The following SATL1 variants were observed in gnomAD, a reference collection of about 807,000 sequenced individuals.
SATL1 encodes spermidine/spermine N1-acetyl transferase like 1, also known as spermidine/spermine N(1)-acetyltransferase-like protein 1.
SATL1 carries 47 observed loss-of-function variants against 51.8 expected under a neutral mutation model. That is an observed-to-expected ratio of 0.91 (90% CI 0.72 to 1.16). The LOEUF (loss-of-function observed/expected upper bound fraction) is 1.16. Ranked by LOEUF, SATL1 falls within the 50% of genes most tolerant of loss-of-function variation. SATL1 has a pLI of 0.00. For missense variants in SATL1, 520 were observed against 526.4 expected (o/e 0.99, Z 0.12); for synonymous variants, 176 against 182.4 (o/e 0.97, Z 0.28).
intron 2 of SATL1, among the ~76,000 whole-genome samples, chrX:85,194,649 T>C (rs1424637543): frequency 9.1e-6 from 1 of 110,145 alleles, no homozygotes; most frequent in African/African-American, 3.3e-5. Flanking sequence ...ATAGACTGGA[T>C]AAAGAAGATG....
At chrX:85,112,011 A>C (rs1042042926) in intron 2 of SATL1, among the ~76,000 whole-genome samples, 3 of 111,870 alleles carry the variant, frequency 2.7e-5, no homozygotes, top group Non-Finnish European at 5.6e-5. Flanking sequence ...CATAAGGTGG[A>C]AGAAGAGACC....
intron 2 of SATL1, chrX:85,117,235 C>T (rs1320371226): frequency 9.0e-6 from 1 of 111,523 alleles, no homozygotes; most frequent in African/African-American, 3.3e-5. Context: ...TTCTTTCATT[C>T]TCACGTTAAA....
At chrX:85,129,984 T>C (rs1375816708) in intron 2 of SATL1, among the ~76,000 whole-genome samples, 2 of 111,898 alleles carry the variant, frequency 1.8e-5, no homozygotes, top group African/African-American at 6.5e-5. Context: ...GCGTGCATCC[T>C]AGGGTTGAAG....
chrX:85,233,733 C>T (rs1249249267), intron 1 of SATL1, among the ~76,000 whole-genome samples: 6 of 111,405 alleles, frequency 5.4e-5, no homozygotes, highest in Admixed American at 3.8e-4. Flanking sequence ...TTTGAAAATA[C>T]ACGGTGAGAA....
At chrX:85,138,445 A>G (rs768332073) in intron 2 of SATL1, among the ~76,000 whole-genome samples, 12 of 111,627 alleles carry the variant, frequency 1.1e-4, no homozygotes, top group Non-Finnish European at 2.3e-4. Context: ...TTGATTTGGT[A>G]GTAAGGTATT....
intron 4 of SATL1, among the ~76,000 whole-genome samples, chrX:85,100,421 A>G (rs1185407112): frequency 1.8e-5 from 2 of 111,818 alleles, no homozygotes; most frequent in Non-Finnish European, 3.8e-5. Flanking sequence ...CAAAAAATAA[A>G]TTAAGAAAGC....
chrX:85,111,702 G>C (rs987679541), intron 2 of SATL1, among the ~76,000 whole-genome samples: 1 of 111,900 alleles, frequency 8.9e-6, no homozygotes, highest in Non-Finnish European at 1.9e-5. Context: ...ATCTAGTTTA[G>C]GTAGTGAGGT....
In SATL1 at chrX:85,224,185, G is replaced by C. The variant is rs749129672; in HGVS notation, c.-313+20C>G. 2 of 111,486 alleles carry C rather than the reference G, an allele frequency of 1.8e-5. No homozygotes were observed. The highest frequency in any genetic ancestry group is 3.8e-5 in the Non-Finnish European group (2 of 53,064). 9.2% of individuals were successfully genotyped at this position (111,486 alleles called of 1,213,427 possible). A position where few individuals can be genotyped will look rare whatever the true frequency, so the allele number is the denominator to read the frequency against. On this transcript the variant is annotated intron_variant, in intron 2 of 7. Coordinates refer to ENST00000644105, the MANE Select transcript of SATL1 (RefSeq NM_001367857.2). ...GGTCACGCTCCCTCCAGAGGCTCTA[G>C]GGGAAAATCCATTCCTTACCTCTTC...
intron 2 of SATL1, among the ~76,000 whole-genome samples, chrX:85,113,691 G>T (rs1266266588): frequency 1.8e-5 from 2 of 112,076 alleles, no homozygotes; most frequent in African/African-American, 6.5e-5. Context: ...ATTATACTTG[G>T]CTTGATTATT....
chrX:85,179,139 T>G (rs1927146567), intron 2 of SATL1, among the ~76,000 whole-genome samples: 1 of 112,099 alleles, frequency 8.9e-6, no homozygotes, highest in African/African-American at 3.2e-5. Context: ...TTTCATTTTA[T>G]TTTGTTAAAT....
At chrX:85,107,060 C>G (rs1162568005) in intron 3 of SATL1, among the ~76,000 whole-genome samples, 2 of 111,739 alleles carry the variant, frequency 1.8e-5, no homozygotes, top group Non-Finnish European at 3.8e-5. Context: ...ATTGGTTCCC[C>G]TATAACTTTT....
chrX:85,178,031 T>A (rs1268143485), intron 2 of SATL1, among the ~76,000 whole-genome samples: 2 of 111,677 alleles, frequency 1.8e-5, no homozygotes, highest in African/African-American at 6.5e-5. Context: ...AGATTCTGTA[T>A]CCTTTTCAGC....
intron 2 of SATL1, among the ~76,000 whole-genome samples, chrX:85,214,430 G>A (rs1037949373): frequency 9.0e-6 from 1 of 111,269 alleles, no homozygotes; most frequent in Non-Finnish European, 1.9e-5. Context: ...GACACACTAG[G>A]CCTCACCTCC....
intron 2 of SATL1, among the ~76,000 whole-genome samples, chrX:85,189,208 T>TC: frequency 8.9e-6 from 1 of 111,895 alleles, no homozygotes; most frequent in Non-Finnish European, 1.9e-5. Context: ...GAGATGGGTT[T>TC]CTCACTATGT....
intron 2 of SATL1, among the ~76,000 whole-genome samples, chrX:85,200,573 C>T (rs982701555): frequency 9.0e-6 from 1 of 111,135 alleles, no homozygotes; most frequent in African/African-American, 3.3e-5. Context: ...CCAAGGAGAG[C>T]ACATGGATAT....
intron 2 of SATL1, among the ~76,000 whole-genome samples, chrX:85,147,743 C>T (rs1926296938): frequency 8.9e-6 from 1 of 112,270 alleles, no homozygotes. Flanking sequence ...CAAACTCCAA[C>T]AGACCTGCAG....
At chrX:85,152,930 C>T (rs1397807041) in intron 2 of SATL1, among the ~76,000 whole-genome samples, 1 of 109,100 alleles carries the variant, frequency 9.2e-6, no homozygotes, top group South Asian at 4.0e-4. Context: ...AACTAACCTG[C>T]ACATTGTGCA....
intron 2 of SATL1, among the ~76,000 whole-genome samples, chrX:85,114,806 A>C (rs1925346086): frequency 8.9e-6 from 1 of 112,666 alleles, no homozygotes. Context: ...ATAAAATCTT[A>C]TAGACAAATC....
intron 2 of SATL1, among the ~76,000 whole-genome samples, chrX:85,146,797 T>C (rs1926252097): frequency 8.9e-6 from 1 of 112,692 alleles, no homozygotes; most frequent in Non-Finnish European, 1.9e-5. Context: ...GGGAAAGTCA[T>C]ATTCTCCCTC....
Sources: allele counts gnomAD v4.1 joint callset (sites outside exome capture counted in the v4.1 genomes callset), GRCh38; gene constraint gnomAD v4.1.1; transcripts MANE v1.5; gene names NCBI Gene and HGNC (gene_info 2026-07-23, HGNC 2026-07-21).